PDE4D: variants seen among roughly 807,000 people sequenced by gnomAD.
The protein encoded by PDE4D is 3',5'-cyclic-AMP phosphodiesterase 4D.
In PDE4D, 24 loss-of-function variants were observed where a neutral mutation model predicts 87.4. That is an observed-to-expected ratio of 0.27 (90% CI 0.20 to 0.39). The LOEUF (loss-of-function observed/expected upper bound fraction) is 0.39, where lower values mean the gene tolerates loss of function less well. Among genes scored for constraint, PDE4D ranks in the 10% least tolerant of loss-of-function variants. The probability of loss-of-function intolerance (pLI) is 1.00; values close to 1 mark genes in which losing one functional copy is unlikely to be tolerated. For missense variants in PDE4D, 714 were observed against 1,041.0 expected, an observed-to-expected ratio of 0.69 and a Z score of 4.32; for synonymous variants, 384 against 383.2, an observed-to-expected ratio of 1.00 and a Z score of -0.02.
At chr5:60,199,513 T>C (rs1454069530) in intron 1 of PDE4D, among the ~76,000 whole-genome samples, 1 of 151,722 alleles carries the variant, frequency 6.6e-6, no homozygotes, top group African/African-American at 2.4e-5. Flanking sequence ...TTAGTGAAAA[T>C]GGAAAATGGC....
chr5:59,337,447 G>A (rs1349260462), intron 1 of PDE4D, among the ~76,000 whole-genome samples: 7 of 150,338 alleles, frequency 4.7e-5, no homozygotes, highest in South Asian at 2.1e-4. Flanking sequence ...ATTCTCCTGC[G>A]TCAGCCTAAG....
Position 59,153,758 on chromosome 5 carries a change from T to G in PDE4D, c.808+26837A>C, listed in dbSNP as rs933620082. ...TGCTATACTGGTGGGCAGGGTTTTTTTTTTTGTTGTTGTTGTTTTTTTTTA... is the reference window on the plus strand; with the variant it reads ...TGCTATACTGGTGGGCAGGGTTTTTGTTTTTGTTGTTGTTGTTTTTTTTTA... On this transcript the variant is annotated intron_variant, in intron 5 of 14. Transcript: ENST00000340635. 1.7e-4 allele frequency among the ~76,000 whole-genome samples: 26 copies of G among 150,698 alleles called. No individual in the cohort carries two copies. The East Asian group carries it at 2.2e-3, about 13-fold the overall frequency.
At chr5:60,045,324 C>A (rs1339263393) in intron 2 of PDE4D, among the ~76,000 whole-genome samples, 2 of 152,080 alleles carry the variant, frequency 1.3e-5, no homozygotes, top group Non-Finnish European at 2.9e-5. Flanking sequence ...CCTGTTCACT[C>A]TGATGGTAGT....
At chr5:60,221,785 C>G (rs945042730) in intron 1 of PDE4D, among the ~76,000 whole-genome samples, 2 of 152,060 alleles carry the variant, frequency 1.3e-5, no homozygotes, top group Non-Finnish European at 2.9e-5. Context: ...ATTAGTAGTT[C>G]TCTTTTATCA....
intron 1 of PDE4D, among the ~76,000 whole-genome samples, chr5:60,474,939 G>A (rs941924943): frequency 1.3e-5 from 2 of 152,178 alleles, no homozygotes; most frequent in African/African-American, 4.8e-5. Flanking sequence ...CTGCAGGTTA[G>A]AGCTTCTCCA....
chr5:59,700,237 CAATT>C (rs1408799934), intron 1 of PDE4D, among the ~76,000 whole-genome samples: 1 of 152,112 alleles, frequency 6.6e-6, no homozygotes, highest in Non-Finnish European at 1.5e-5. Flanking sequence ...ATTGCAAACA[CAATT>C]AAAGTAACTT....
intron 1 of PDE4D, among the ~76,000 whole-genome samples, chr5:60,424,244 G>C (rs1490920759): frequency 6.6e-6 from 1 of 152,104 alleles, no homozygotes; most frequent in African/African-American, 2.4e-5. Context: ...GAGAATTTTA[G>C]ACCATTATCC....
At chr5:59,891,763 A>G (rs1282303718) in intron 1 of PDE4D, among the ~76,000 whole-genome samples, 1 of 147,262 alleles carries the variant, frequency 6.8e-6, no homozygotes, top group Non-Finnish European at 1.5e-5. Flanking sequence ...CCTTGTACAT[A>G]GTGTATACAA....
At chr5:60,246,514 T>G (rs1482840033) in intron 1 of PDE4D, among the ~76,000 whole-genome samples, 1 of 151,850 alleles carries the variant, frequency 6.6e-6, no homozygotes, top group Non-Finnish European at 1.5e-5. Flanking sequence ...GTTGATTTCT[T>G]CAAATTATAT....
chr5:59,368,653 T>C (rs1783466146), intron 1 of PDE4D, among the ~76,000 whole-genome samples: 1 of 152,212 alleles, frequency 6.6e-6, no homozygotes, highest in Non-Finnish European at 1.5e-5. Context: ...TAAATTACTG[T>C]GGAATATGAT....
intron 5 of PDE4D, among the ~76,000 whole-genome samples, chr5:59,104,043 T>G (rs74994459): frequency 6.6e-6 from 1 of 152,246 alleles, no homozygotes; most frequent in Non-Finnish European, 1.5e-5. Flanking sequence ...TTCGAGACTA[T>G]ATAGAACCTC....
At chr5:59,165,705 G>A (rs1781827144) in intron 5 of PDE4D, among the ~76,000 whole-genome samples, 1 of 152,196 alleles carries the variant, frequency 6.6e-6, no homozygotes, top group Non-Finnish European at 1.5e-5. Flanking sequence ...ACAAGCATCT[G>A]TAAGTCGTAG....
Position 59,502,526 on chromosome 5 carries a change from G to GAATTTA in PDE4D, c.456-286559_456-286558insTAAATT, listed in dbSNP as rs1808470562. 2.0e-5 allele frequency among the ~76,000 whole-genome samples: 3 copies of GAATTTA among 152,070 alleles called. No individual in the cohort carries two copies. The South Asian group carries it at 6.2e-4, about 32-fold the overall frequency. On this transcript the variant is annotated intron_variant, in intron 1 of 14. Coordinates refer to ENST00000340635, the MANE Select transcript of PDE4D (RefSeq NM_001104631.2). ...CTGAAAAGATGGAGATATATCTAAT[G>GAATTTA]AAACATAAATTTAAAAAAAGACATT... is the stretch of plus-strand genomic sequence containing the variant.
At chr5:60,397,642 CAG>C (rs1002644620) in intron 1 of PDE4D, among the ~76,000 whole-genome samples, 5 of 152,176 alleles carry the variant, frequency 3.3e-5, no homozygotes, top group African/African-American at 9.6e-5. Context: ...GGGCTAGGGA[CAG>C]AGAGTTGTAA....
At chr5:59,559,743 T>C (rs764847160) in intron 1 of PDE4D, among the ~76,000 whole-genome samples, 11 of 152,234 alleles carry the variant, frequency 7.2e-5, no homozygotes, top group Non-Finnish European at 1.6e-4. Flanking sequence ...AGGATTATAC[T>C]GGAAATTTTG....
At chr5:59,903,347 T>C (rs982468480) in intron 3 of PDE4D, among the ~76,000 whole-genome samples, 8 of 151,710 alleles carry the variant, frequency 5.3e-5, no homozygotes, top group African/African-American at 1.5e-4. Context: ...AGATGGGGAG[T>C]GACAGAGAAA....
At position 60,074,028 on chromosome 5, in the gene PDE4D, A is replaced by G. The variant is rs185302294; in HGVS notation, c.43-85311T>C. Reference sequence around the variant, plus strand: ...GCTTTTCATGTCTCAATTTCCTTCAATTCAGCTCTGATTCTGGTTATTTAC... The same window carrying G: ...GCTTTTCATGTCTCAATTTCCTTCAGTTCAGCTCTGATTCTGGTTATTTAC... On this transcript the variant is annotated intron_variant, in intron 2 of 16. Coordinates refer to the PDE4D transcript ENST00000502484. 2.6e-4 allele frequency among the ~76,000 whole-genome samples: 39 copies of G among 152,044 alleles called. No individual in the cohort carries two copies. The East Asian group carries it at 4.6e-3, about 18-fold the overall frequency.
At chr5:60,365,629 A>G (rs1423246) in intron 1 of PDE4D, among the ~76,000 whole-genome samples, 62,175 of 152,116 alleles carry the variant, frequency 0.41, 14,851 homozygotes, top group African/African-American at 0.67. Flanking sequence ...CCTGAACAGC[A>G]AAGGCTTAGA....
chr5:60,264,346 G>A (rs1385435334), intron 1 of PDE4D, among the ~76,000 whole-genome samples: 1 of 152,182 alleles, frequency 6.6e-6, no homozygotes, highest in East Asian at 1.9e-4. Context: ...AATGCCTGTT[G>A]ATTAATTTGA....
Sources: allele counts gnomAD v4.1 joint callset (sites outside exome capture counted in the v4.1 genomes callset), GRCh38; gene constraint gnomAD v4.1.1; transcripts MANE v1.5; gene names NCBI Gene and HGNC (gene_info 2026-07-23, HGNC 2026-07-21).